CCDC178: variants seen among roughly 807,000 people sequenced by gnomAD.
The protein encoded by CCDC178 is coiled-coil domain-containing protein 178.
CCDC178 carries 126 observed loss-of-function variants against 117.4 expected under a neutral mutation model. That is an observed-to-expected ratio of 1.07 (90% CI 0.93 to 1.24). CCDC178 has a LOEUF of 1.24. Ranked by LOEUF, CCDC178 falls within the 50% of genes most tolerant of loss-of-function variation. The pLI is 0.00. For missense variants in CCDC178, 1,030 were observed against 986.9 expected, an observed-to-expected ratio of 1.04 and a Z score of -0.59; for synonymous variants, 283 against 313.4, an observed-to-expected ratio of 0.90 and a Z score of 1.02.
At chr18:33,359,982 T>G (rs1016545689) in intron 6 of CCDC178, among the ~76,000 whole-genome samples, 18 of 151,414 alleles carry the variant, frequency 1.2e-4, no homozygotes, top group African/African-American at 4.3e-4. Context: ...ATGCTATTAT[T>G]GAGACAAAAA....
At chr18:33,056,358 G>A (rs2144944884) in intron 21 of CCDC178, among the ~76,000 whole-genome samples, 1 of 152,252 alleles carries the variant, frequency 6.6e-6, no homozygotes, top group South Asian at 2.1e-4. Flanking sequence ...AATACAATTT[G>A]TTTCTAAGAT....
intron 15 of CCDC178, among the ~76,000 whole-genome samples, 155 bp from the exon 16 acceptor site, chr18:33,227,010 G>A (rs1264926529): frequency 6.7e-6 from 1 of 149,446 alleles, no homozygotes; most frequent in Non-Finnish European, 1.5e-5. Context: ...AAATCCTGGT[G>A]TTTTTCGAGG....
At chr18:32,999,926 A>C (rs2055597475) in intron 21 of CCDC178, among the ~76,000 whole-genome samples, 1 of 152,004 alleles carries the variant, frequency 6.6e-6, no homozygotes, top group Non-Finnish European at 1.5e-5. Context: ...TAAATAATTA[A>C]CTCTGCAATG....
chr18:33,140,158 T>A (rs887459723), intron 20 of CCDC178, among the ~76,000 whole-genome samples: 12 of 152,110 alleles, frequency 7.9e-5, no homozygotes, highest in African/African-American at 2.7e-4. Flanking sequence ...TGGAAACACC[T>A]GGATGTTGAG....
chr18:33,130,454 G>A (rs992143528), intron 20 of CCDC178, among the ~76,000 whole-genome samples: 91 of 152,034 alleles, frequency 6.0e-4, no homozygotes, highest in Non-Finnish European at 1.6e-4. Flanking sequence ...TGAGTATGTA[G>A]TATTGTTGTA....
chr18:33,419,749 C>G (rs1411586792), intron 2 of CCDC178, among the ~76,000 whole-genome samples: 1 of 152,152 alleles, frequency 6.6e-6, no homozygotes, highest in Non-Finnish European at 1.5e-5. Context: ...CATCTCACAC[C>G]AGTCAGAATG....
At chr18:33,205,945 T>A (rs983935964) in intron 20 of CCDC178, among the ~76,000 whole-genome samples, 4 of 152,176 alleles carry the variant, frequency 2.6e-5, no homozygotes, top group African/African-American at 9.7e-5. Flanking sequence ...CTGCCCACTT[T>A]GGCCTTCTAA....
intron 15 of CCDC178, among the ~76,000 whole-genome samples, chr18:33,231,477 G>C (rs986009244): frequency 2.6e-5 from 4 of 152,170 alleles, no homozygotes; most frequent in African/African-American, 9.6e-5. Context: ...CTATGCATTT[G>C]TGCTCATTAT....
rs548694918 is a variant in CCDC178, at chr18:33,167,971, A to G, written c.2238+43925T>C. On this transcript the variant is annotated intron_variant, in intron 20 of 22. Transcript: ENST00000383096. Reference sequence around the variant, plus strand: ...TTTTTCTTGTATTTAAGTTCCTTATAGGTTTTGGATATTAGACCTTTGTTG... The same window carrying G: ...TTTTTCTTGTATTTAAGTTCCTTATGGGTTTTGGATATTAGACCTTTGTTG... Among the ~76,000 whole-genome samples, 4 of 152,206 alleles carry G rather than the reference A, an allele frequency of 2.6e-5. No individual in the cohort carries two copies. The East Asian group carries it at 7.7e-4, about 29-fold the overall frequency.
intron 22 of CCDC178, among the ~76,000 whole-genome samples, chr18:32,957,261 T>C (rs561020772): frequency 6.6e-6 from 1 of 152,300 alleles, no homozygotes; most frequent in East Asian, 1.9e-4. Flanking sequence ...TTGCTAGAAA[T>C]CATATGTTTA....
intron 20 of CCDC178, among the ~76,000 whole-genome samples, chr18:33,209,668 A>T (rs892580775): frequency 2.0e-5 from 3 of 152,082 alleles, no homozygotes; most frequent in Admixed American, 6.6e-5. Context: ...AATAAATAGC[A>T]TCATTAATGA....
chr18:33,251,132 C>G (rs771711744), intron 14 of CCDC178, among the ~76,000 whole-genome samples: 1 of 150,548 alleles, frequency 6.6e-6, no homozygotes, highest in Non-Finnish European at 1.5e-5. Context: ...AGTTTTGCTA[C>G]AAAAAAAATA....
chr18:33,300,849 A>ATTTGCTTTCC (rs2062168082), intron 11 of CCDC178, among the ~76,000 whole-genome samples: 1 of 152,238 alleles, frequency 6.6e-6, no homozygotes, highest in Non-Finnish European at 1.5e-5. Context: ...CAGAGAGTAA[A>ATTTGCTTTCC]AGTCTGGAAA....
intron 14 of CCDC178, among the ~76,000 whole-genome samples, chr18:33,257,205 C>G (rs1006465180): frequency 1.3e-5 from 2 of 151,986 alleles, no homozygotes; most frequent in Middle Eastern, 3.4e-3. Flanking sequence ...TTGGTTAGGG[C>G]CTTCTAAAAA....
chr18:33,254,825 C>T (rs1215000531), intron 14 of CCDC178, among the ~76,000 whole-genome samples: 1 of 151,998 alleles, frequency 6.6e-6, no homozygotes, highest in Non-Finnish European at 1.5e-5. Context: ...AGTTCAGATG[C>T]ATAAGCATTT....
rs1233025015 is a variant in CCDC178 at position 33,395,305 on chromosome 18, C to T, written c.118+1844G>A. Among the ~76,000 whole-genome samples the T allele has an allele frequency of 3.3e-5, 5 of 151,702 alleles. No homozygotes were observed. The East Asian group carries it at 9.7e-4, about 29-fold the overall frequency. ...TAATTTTCATGCCAGAGAGTATAAGCTTCAACAAGCTTCAAAGGGCCTATA... is the reference window on the plus strand; with the variant it reads ...TAATTTTCATGCCAGAGAGTATAAGTTTCAACAAGCTTCAAAGGGCCTATA... On this transcript the variant is annotated intron_variant, in intron 4 of 22. Coordinates refer to ENST00000383096, the MANE Select transcript of CCDC178 (RefSeq NM_001105528.4).
intron 21 of CCDC178, among the ~76,000 whole-genome samples, chr18:32,992,670 C>A (rs146308152): frequency 2.0e-5 from 3 of 152,074 alleles, no homozygotes; most frequent in East Asian, 1.9e-4. Flanking sequence ...GATCACCCTA[C>A]GCAAAAAAGT....
At position 33,233,086 on chromosome 18, in the gene CCDC178, T is replaced by G. The variant is rs537230498; in HGVS notation, c.1594-6231A>C. Among the ~76,000 whole-genome samples, 344 of 152,280 alleles carry G rather than the reference T, an allele frequency of 2.3e-3. 1 individual carries two copies. Among genetic ancestry groups the G allele is most frequent in the Non-Finnish European group, 4.4e-3 (299 of 68,010 alleles). Reference sequence around the variant, plus strand: ...GCAGCAGTGTATACAAAATAAACAATTATTGTTGACCTCATGAACCATGTT... The same window carrying G: ...GCAGCAGTGTATACAAAATAAACAAGTATTGTTGACCTCATGAACCATGTT... On this transcript the variant is annotated intron_variant, in intron 15 of 22. Coordinates refer to ENST00000383096, the MANE Select transcript of CCDC178 (RefSeq NM_001105528.4).
chr18:33,327,487 A>G (rs1376862374), intron 10 of CCDC178, among the ~76,000 whole-genome samples: 5 of 152,138 alleles, frequency 3.3e-5, no homozygotes, highest in Non-Finnish European at 5.9e-5. Flanking sequence ...ACAATTGCTG[A>G]AGAATATTGT....
Sources: allele counts gnomAD v4.1 joint callset (sites outside exome capture counted in the v4.1 genomes callset), GRCh38; gene constraint gnomAD v4.1.1; transcripts MANE v1.5; gene names NCBI Gene and HGNC (gene_info 2026-07-23, HGNC 2026-07-21).